CERT1: variants seen among roughly 807,000 people sequenced by gnomAD.
CERT1 encodes the protein ceramide transporter 1.
Under a neutral mutation model 87.9 loss-of-function variants are expected in CERT1, and 31 were observed. The ratio of observed to expected loss-of-function variants is 0.35; its 90% CI spans 0.27 to 0.48. The LOEUF is 0.48. Among genes scored for constraint, CERT1 ranks in the 20% least tolerant of loss-of-function variants. The pLI is 0.99. For missense variants in CERT1, 487 were observed against 758.0 expected (o/e 0.64, Z 4.20); for synonymous variants, 289 against 250.9 (o/e 1.15, Z -1.44).
At chr5:75,502,405 T>G (rs933157352) in intron 2 of CERT1, among the ~76,000 whole-genome samples, 11 of 152,088 alleles carry the variant, frequency 7.2e-5, no homozygotes, top group Non-Finnish European at 1.6e-4. Context: ...AAAAACAAAT[T>G]TTAAAGTACA....
intron 2 of CERT1, among the ~76,000 whole-genome samples, chr5:75,476,861 C>A (rs1765976367): frequency 6.6e-6 from 1 of 152,076 alleles, no homozygotes; most frequent in Admixed American, 6.5e-5. Flanking sequence ...GAAAAGCCTG[C>A]ACATCACATT....
intron 3 of CERT1, among the ~76,000 whole-genome samples, chr5:75,435,434 A>C (rs1407200783): frequency 6.6e-6 from 1 of 152,168 alleles, no homozygotes; most frequent in African/African-American, 2.4e-5. Flanking sequence ...CATTTTAGCC[A>C]TTTCAGTCTG....
chr5:75,430,873 CAA>C (rs759983005), intron 3 of CERT1, among the ~76,000 whole-genome samples: 1 of 151,976 alleles, frequency 6.6e-6, no homozygotes, highest in African/African-American at 2.4e-5. Context: ...ACCATCTCTA[CAA>C]AAAAAGTTTT....
chr5:75,431,439 G>A (rs1486736163), intron 3 of CERT1, among the ~76,000 whole-genome samples: 1 of 152,168 alleles, frequency 6.6e-6, no homozygotes, highest in East Asian at 1.9e-4. Context: ...AGCAGGCAGA[G>A]GGAGCTCAGG....
At chr5:75,380,168 G>T (rs1435815980) in intron 16 of CERT1, among the ~76,000 whole-genome samples, 1 of 152,148 alleles carries the variant, frequency 6.6e-6, no homozygotes, top group African/African-American at 2.4e-5. Context: ...GAGAGAGGTT[G>T]CAATGATTAC....
At chr5:75,370,952 C>CA (rs373729532) in intron 17 of CERT1, 978 of 96,832 alleles carry the variant, frequency 0.01, 3 homozygotes, top group East Asian at 0.032. Flanking sequence ...ACTCTGTCTC[C>CA]AAAAAAAAAA....
In CERT1 at chr5:75,459,111, T is replaced by C. The variant is rs1561278168; in HGVS notation, c.302A>G (p.Asp101Gly). 1 of 1,613,096 alleles carries C rather than the reference T, an allele frequency of 6.2e-7. No homozygotes were observed. Reference sequence around the variant, plus strand: ...TATCCATTGCTGTCTATGATCTGGATCCTGAGCACGAAGATACCAAACACT... The same window carrying C: ...TATCCATTGCTGTCTATGATCTGGACCCTGAGCACGAAGATACCAAACACT... ...NDSVWYLRAQ[D>G]PDHRQQWIDA... is the part of the protein sequence containing the mutation. The change falls in exon 3 of 17, where the codon GAT (aspartate) becomes GGT (glycine). Residue 101 changes from aspartate (D) to glycine (G), a missense_variant. Physicochemically the swap from Asp to Gly is moderately conservative, Grantham distance 94. Around this residue, in one of 8 missense-constraint regions of CERT1, gnomAD observed 173 missense variants for 302.2 expected, o/e 0.57. Transcript: ENST00000643780.
At position 75,419,417 on chromosome 5, in the gene CERT1, T is replaced by C; in HGVS notation, c.603A>G (p.Glu201=). ...TTGTAGGAAAGTCATCTTCATCATC[T>C]TCTACCACTAAATAAAATATATTTA... ...KDELQRDKVV[E]DDEDDFPTTR... Residue 201 remains glutamate (E), a synonymous_variant, in exon 6 of 17, where the codon GAA becomes GAG. Coordinates refer to ENST00000643780, the MANE Select transcript of CERT1 (RefSeq NM_001379029.1). 6.2e-7 allele frequency: 1 copy of C among 1,603,058 alleles called. No homozygotes were observed. The highest frequency in any genetic ancestry group is 8.5e-7 in the Non-Finnish European group (1 of 1,170,246).
intron 2 of CERT1, among the ~76,000 whole-genome samples, chr5:75,503,906 G>GTTTAATT (rs1767525973): frequency 6.6e-6 from 1 of 150,792 alleles, no homozygotes; most frequent in African/African-American, 2.4e-5. Flanking sequence ...TAAATTAAAT[G>GTTTAATT]TTTAATTTAA....
At chr5:75,383,410 G>A (rs1229480922) in intron 14 of CERT1, among the ~76,000 whole-genome samples, 1 of 151,976 alleles carries the variant, frequency 6.6e-6, no homozygotes, top group African/African-American at 2.4e-5. Flanking sequence ...TGTTTTCCAT[G>A]ATGGATTATT....
chr5:75,491,409 C>A (rs1766790665), intron 2 of CERT1, among the ~76,000 whole-genome samples: 1 of 152,070 alleles, frequency 6.6e-6, no homozygotes, highest in Non-Finnish European at 1.5e-5. Flanking sequence ...CTCTTTAAAT[C>A]ACATTTAAAT....
Position 75,474,551 on chromosome 5 carries a change from A to C in CERT1, c.232-15370T>G, listed in dbSNP as rs1341546818. Reference sequence around the variant, plus strand: ...TTTAGGCACTAATCCAATCTGAAGAATAATGAATTTAGCCTTACTAATAAT... The same window carrying C: ...TTTAGGCACTAATCCAATCTGAAGACTAATGAATTTAGCCTTACTAATAAT... On this transcript the variant is annotated intron_variant, in intron 2 of 16. Transcript: ENST00000643780. Among the ~76,000 whole-genome samples the C allele has an allele frequency of 1.2e-4, 18 of 152,110 alleles. 1 individual carries two copies. Among genetic ancestry groups the C allele is most frequent in the Admixed American group, 1.1e-3 (17 of 15,276 alleles).
At chr5:75,432,777 C>T (rs759363999) in intron 3 of CERT1, among the ~76,000 whole-genome samples, 4 of 152,196 alleles carry the variant, frequency 2.6e-5, no homozygotes. Flanking sequence ...TCACCAAGGC[C>T]TATGCCTAGA....
At chr5:75,388,006 G>A (rs755704094) in intron 12 of CERT1, among the ~76,000 whole-genome samples, 16 of 152,192 alleles carry the variant, frequency 1.1e-4, no homozygotes, top group African/African-American at 1.7e-4. Context: ...GTGACTCTAC[G>A]GTGACTGAAC....
chr5:75,382,051 G>A lies in CERT1; in HGVS notation c.1515C>T (p.Asp505=), dbSNP rs554766490. 37 of 1,613,816 alleles carry A rather than the reference G, an allele frequency of 2.3e-5. No homozygotes were observed. The Admixed American group carries it at 3.7e-4, about 16-fold the overall frequency. Residue 505 remains aspartate (D), a synonymous_variant, in exon 15 of 17, where the codon GAC becomes GAT. Transcript: ENST00000643780. The part of the protein sequence containing the change: ...HKRVWPASQR[D]VLYLSVIRKI... Reference sequence around the variant, plus strand: ...TTCGAATGACAGAAAGATATAATACGTCTCGCTGAGAAGCAGGCCACACCC... The same window carrying A: ...TTCGAATGACAGAAAGATATAATACATCTCGCTGAGAAGCAGGCCACACCC...
At chr5:75,376,810 T>A (rs1327589645), downstream of CERT1, 1 of 152,226 alleles carries the variant, frequency 6.6e-6, no homozygotes, top group African/African-American at 2.4e-5. Flanking sequence ...ATATCCCTTA[T>A]GTTAGTATGG....
At chr5:75,426,304 T>C (rs1480584318) in intron 4 of CERT1, 67 bp downstream of exon 4, 12 of 1,093,626 alleles carry the variant, frequency 1.1e-5, no homozygotes, top group Admixed American at 1.8e-5. Context: ...ACATATGTTC[T>C]GTTCACAACA....
At chr5:75,497,103 T>C (rs1432341518) in intron 2 of CERT1, among the ~76,000 whole-genome samples, 2 of 152,080 alleles carry the variant, frequency 1.3e-5, no homozygotes, top group African/African-American at 2.4e-5. Context: ...TTTTTTTAGG[T>C]TGGTAAATAG....
intron 2 of CERT1, among the ~76,000 whole-genome samples, chr5:75,495,920 TA>T (rs201458462): frequency 1.3e-5 from 2 of 148,520 alleles, no homozygotes; most frequent in Non-Finnish European, 3.0e-5. Flanking sequence ...TAAAGTATAA[TA>T]AAAAAATTAG....
Sources: allele counts gnomAD v4.1 joint callset (sites outside exome capture counted in the v4.1 genomes callset), GRCh38; gene constraint gnomAD v4.1.1; regional missense constraint gnomAD v4.1.1; transcripts MANE v1.5; gene names NCBI Gene and HGNC (gene_info 2026-07-23, HGNC 2026-07-21).